PHF21B: variants seen among roughly 807,000 people sequenced by gnomAD.
PHF21B encodes the protein PHD finger protein 21B, also known as PHD finger protein 4.
A neutral mutation model predicts 62.2 loss-of-function variants in PHF21B; 22 were observed. The observed-to-expected ratio is 0.35, with a 90% confidence interval of 0.25 to 0.51. The LOEUF is 0.51. PHF21B is among the 20% of genes least tolerant of loss of function. The pLI is 0.97. For synonymous variants in PHF21B, 341 were observed against 314.7 expected, an observed-to-expected ratio of 1.08 and a Z score of -0.88; for missense variants, 701 against 707.9, an observed-to-expected ratio of 0.99 and a Z score of 0.11.
intron 5 of PHF21B, among the ~76,000 whole-genome samples, chr22:44,908,786 G>A (rs887556808): frequency 6.6e-6 from 1 of 152,124 alleles, no homozygotes; most frequent in Non-Finnish European, 1.5e-5. Context: ...GCTCTTCTTG[G>A]TATGCATGTA....
Position 44,889,755 on chromosome 22 carries a change from C to T in PHF21B, c.1038+5G>A. The T allele has an allele frequency of 6.3e-7, 1 of 1,577,816 alleles. No individual in the cohort carries two copies. The highest frequency in any genetic ancestry group is 8.6e-7 in the Non-Finnish European group (1 of 1,166,252). On this transcript the variant is annotated splice_donor_5th_base_variant and intron_variant, in intron 9 of 12. Transcript: ENST00000313237. Reference sequence around the variant, plus strand: ...AGTGTGAAGACGGAGGGAGGGGACACGTACCTTCCAGCAGGGGTCCTCATT... The same window carrying T: ...AGTGTGAAGACGGAGGGAGGGGACATGTACCTTCCAGCAGGGGTCCTCATT...
At chr22:44,970,364 A>G (rs981644421) in intron 2 of PHF21B, among the ~76,000 whole-genome samples, 20 of 152,348 alleles carry the variant, frequency 1.3e-4, no homozygotes, top group African/African-American at 4.3e-4. Context: ...CACTGGGCAG[A>G]TGCTGGTCAA....
At chr22:44,942,995 AC>A (rs136699) in intron 2 of PHF21B, among the ~76,000 whole-genome samples, 28,521 of 137,522 alleles carry the variant, frequency 0.21, 3,270 homozygotes, top group Admixed American at 0.31. Context: ...GCAGGGAGGG[AC>A]CCCCCCCCCC....
At chr22:44,931,220 G>A (rs941127495) in intron 2 of PHF21B, among the ~76,000 whole-genome samples, 2 of 152,116 alleles carry the variant, frequency 1.3e-5, no homozygotes, top group African/African-American at 2.4e-5. Flanking sequence ...ATGACCACCC[G>A]AAGAGTCACT....
chr22:44,981,648 G>T (rs1423882880), intron 2 of PHF21B, among the ~76,000 whole-genome samples: 1 of 152,186 alleles, frequency 6.6e-6, no homozygotes, highest in Non-Finnish European at 1.5e-5. Flanking sequence ...ATTCGTTCCT[G>T]GCTGGACAAG....
intron 3 of PHF21B, among the ~76,000 whole-genome samples, chr22:44,918,178 T>C (rs2071472917): frequency 6.6e-6 from 1 of 152,246 alleles, no homozygotes; most frequent in Non-Finnish European, 1.5e-5. Context: ...GTTGGAAAAC[T>C]GCTGTTCTCC....
At chr22:44,929,958 A>C (rs1032132822) in intron 2 of PHF21B, among the ~76,000 whole-genome samples, 1 of 152,222 alleles carries the variant, frequency 6.6e-6, no homozygotes, top group Non-Finnish European at 1.5e-5. Flanking sequence ...ACCTGCAACC[A>C]GGCAAGCTGG....
At chr22:44,974,358 G>A (rs1310791819) in intron 2 of PHF21B, among the ~76,000 whole-genome samples, 2 of 151,286 alleles carry the variant, frequency 1.3e-5, no homozygotes, top group African/African-American at 4.9e-5. Context: ...AGACTGCAGT[G>A]AGCCATGATC....
chr22:44,985,802 C>G (rs1424006066), intron 2 of PHF21B, among the ~76,000 whole-genome samples: 1 of 152,116 alleles, frequency 6.6e-6, no homozygotes, highest in Non-Finnish European at 1.5e-5. Context: ...CCGTAGCTAT[C>G]AACACCATCA....
chr22:44,913,956 T>G lies in PHF21B; in HGVS notation c.697A>C (p.Ile233Leu). The G allele has an allele frequency of 1.2e-6, 2 of 1,604,830 alleles. No individual in the cohort carries two copies. The highest frequency in any genetic ancestry group is 1.7e-6 in the Non-Finnish European group (2 of 1,178,534). Residue 233 changes from isoleucine (I) to leucine (L), a missense_variant, in exon 5 of 13, where the codon ATC (isoleucine) becomes CTC (leucine). Ile to Leu is a conservative substitution (Grantham distance 5). Coordinates refer to ENST00000313237, the MANE Select transcript of PHF21B (RefSeq NM_138415.5). ...TGCGTCTGCACTTGAGGCTGAATGA[T>G]GATGACCTGGAAGATGCCATGGAGG... ...SPLHGIFQVI[I>L]IQPQVQTQPE...
intron 3 of PHF21B, among the ~76,000 whole-genome samples, chr22:44,918,080 CTTA>C (rs2071470879): frequency 6.6e-6 from 1 of 152,258 alleles, no homozygotes; most frequent in Non-Finnish European, 1.5e-5. Context: ...CAATGCCAGG[CTTA>C]CAGCCCAACA....
intron 2 of PHF21B, among the ~76,000 whole-genome samples, chr22:44,986,167 CCATGAGCACCCCCATCACCAGCAG>C (rs2072945088): frequency 6.9e-6 from 1 of 145,654 alleles, no homozygotes; most frequent in Non-Finnish European, 1.5e-5. Context: ...ACCACCATCA[CCATGAGCACCCCCATCACCAGCAG>C]CATCACCGCC....
At chr22:44,987,754 C>G (rs2072976841) in intron 2 of PHF21B, among the ~76,000 whole-genome samples, 1 of 99,804 alleles carries the variant, frequency 1.0e-5, no homozygotes, top group Non-Finnish European at 2.0e-5. Flanking sequence ...GCCCCCAACA[C>G]TCTCTCGTCT....
At chr22:44,923,850 A>C (rs1182877132) in intron 2 of PHF21B, among the ~76,000 whole-genome samples, 1 of 152,002 alleles carries the variant, frequency 6.6e-6, no homozygotes, top group Admixed American at 6.6e-5. Flanking sequence ...TCTAGAAAAA[A>C]AAAATTAAAA....
chr22:44,920,528 G>A, intron 2 of PHF21B, 38 bp from the exon 3 acceptor site: 2 of 1,536,216 alleles, frequency 1.3e-6, no homozygotes, highest in South Asian at 1.2e-5. Context: ...GACAGGAGGA[G>A]CAGCTGAGAC....
intron 2 of PHF21B, among the ~76,000 whole-genome samples, chr22:44,975,517 C>A (rs1328982348): frequency 6.6e-6 from 1 of 152,214 alleles, no homozygotes; most frequent in Non-Finnish European, 1.5e-5. Context: ...CATCACTGGG[C>A]GCCCTCCTGC....
intron 2 of PHF21B, among the ~76,000 whole-genome samples, chr22:44,942,575 T>C (rs2071980004): frequency 6.6e-6 from 1 of 152,156 alleles, no homozygotes; most frequent in Non-Finnish European, 1.5e-5. Context: ...AGCCCATGTG[T>C]GCTCCAGGCT....
Position 44,882,859 on chromosome 22 carries a change from C to T in PHF21B, c.*227G>A. 1 of 538,224 alleles carries T rather than the reference C, an allele frequency of 1.9e-6. No homozygotes were observed. The highest frequency in any genetic ancestry group is 3.2e-6 in the Non-Finnish European group (1 of 311,706). The allele number at this position is 538,224 out of a possible 1,614,324, so 33.3% of individuals were successfully genotyped here. ...ACTGTGTGCCCCAGCCTGTCGTACC[C>T]CACCTGGCTCCTAGGTACCCCCTGT... On this transcript the variant is annotated 3_prime_UTR_variant, in exon 13 of 13. Coordinates refer to ENST00000313237, the MANE Select transcript of PHF21B (RefSeq NM_138415.5).
Position 44,883,034 on chromosome 22 carries a change from G to C in PHF21B, c.*52C>G. 2 of 1,538,566 alleles carry C rather than the reference G, an allele frequency of 1.3e-6. No homozygotes were observed. The highest frequency in any genetic ancestry group is 1.8e-6 in the Non-Finnish European group (2 of 1,140,088). ...AAGGCCGACAGAACCCCCAGGCTGT[G>C]TAAGCAGGGTCCCAATAACTTTCCG... On this transcript the variant is annotated 3_prime_UTR_variant, in exon 13 of 13. Coordinates refer to ENST00000313237, the MANE Select transcript of PHF21B (RefSeq NM_138415.5).
Sources: allele counts gnomAD v4.1 joint callset (sites outside exome capture counted in the v4.1 genomes callset), GRCh38; gene constraint gnomAD v4.1.1; transcripts MANE v1.5; gene names NCBI Gene and HGNC (gene_info 2026-07-23, HGNC 2026-07-21).